The following ZBTB20 variants were observed in gnomAD, a reference collection of about 807,000 sequenced individuals.
ZBTB20 encodes the protein zinc finger and BTB domain containing 20, also known as zinc finger and BTB domain-containing protein 20.
A neutral mutation model predicts 56.9 loss-of-function variants in ZBTB20; 9 were observed. The ratio of observed to expected loss-of-function variants is 0.16; its 90% CI spans 0.10 to 0.28. ZBTB20 has a LOEUF of 0.28. ZBTB20 is among the 10% of genes least tolerant of loss of function. The pLI is 1.00. For missense variants in ZBTB20, 655 were observed against 1,003.0 expected, an observed-to-expected ratio of 0.65 and a Z score of 4.69; for synonymous variants, 417 against 420.7, an observed-to-expected ratio of 0.99 and a Z score of 0.11.
rs373603009 is a variant in ZBTB20, at chr3:114,497,617, ACTC to A, written c.-255+2732_-255+2734del. ...GTCACCTTACCACATCCAAGTGGGC[ACTC>A]CTCCTTCATTCCTCTTACTACGTCT... On this transcript the variant is annotated intron_variant, in intron 7 of 11. Coordinates refer to ENST00000675478, the MANE Select transcript of ZBTB20 (RefSeq NM_001348800.3). Among the ~76,000 whole-genome samples, 183 of 152,120 alleles carry A rather than the reference ACTC, an allele frequency of 1.2e-3. 2 individuals carry two copies. The East Asian group carries it at 0.022, about 18-fold the overall frequency.
At chr3:114,690,238 C>T (rs1392917308) in intron 6 of ZBTB20, among the ~76,000 whole-genome samples, 1 of 151,736 alleles carries the variant, frequency 6.6e-6, no homozygotes, top group Non-Finnish European at 1.5e-5. Flanking sequence ...TTTTTTTCTT[C>T]CCCAAGGGTT....
chr3:114,369,138 G>A (rs1189733287), intron 10 of ZBTB20, among the ~76,000 whole-genome samples: 6 of 152,078 alleles, frequency 3.9e-5, no homozygotes, highest in African/African-American at 1.5e-4. Flanking sequence ...GATAATCAGT[G>A]ATTATATAGG....
chr3:114,733,379 C>A (rs2065901354), intron 5 of ZBTB20, among the ~76,000 whole-genome samples: 1 of 152,174 alleles, frequency 6.6e-6, no homozygotes. Flanking sequence ...ACAAGTTTTT[C>A]TAGTTCCGGT....
chr3:114,667,507 T>C (rs1390718646), intron 6 of ZBTB20, among the ~76,000 whole-genome samples: 1 of 152,008 alleles, frequency 6.6e-6, no homozygotes, highest in Non-Finnish European at 1.5e-5. Context: ...TATGGCAGCC[T>C]AACCTCCAGC....
chr3:114,920,187 T>G (rs747180329), intron 3 of ZBTB20, among the ~76,000 whole-genome samples: 19 of 152,138 alleles, frequency 1.2e-4, no homozygotes, highest in Non-Finnish European at 2.4e-4. Flanking sequence ...GTAAAAGATT[T>G]CAATATTCCA....
intron 6 of ZBTB20, among the ~76,000 whole-genome samples, chr3:114,516,127 T>C (rs1210778975): frequency 1.3e-5 from 2 of 152,094 alleles, no homozygotes; most frequent in African/African-American, 4.8e-5. Flanking sequence ...ATAATTTACA[T>C]ACAATAAAAT....
rs1422547557 is a variant in ZBTB20, at chr3:115,089,480, A to AT, written c.-702-18067dup. Among the ~76,000 whole-genome samples, 4 of 151,766 alleles carry AT rather than the reference A, an allele frequency of 2.6e-5. No homozygotes were observed. The East Asian group carries it at 5.8e-4, about 22-fold the overall frequency. On this transcript the variant is annotated intron_variant, in intron 1 of 11. Coordinates refer to ENST00000675478, the MANE Select transcript of ZBTB20 (RefSeq NM_001348800.3). The stretch of plus-strand genomic sequence containing the variant: ...CTAAAAACCATTTTGCAATAGAAAA[A>AT]TTTTTTCAAAACTCAATTTACATGG...
At chr3:114,531,589 T>C (rs1403736257) in intron 6 of ZBTB20, among the ~76,000 whole-genome samples, 28 of 152,108 alleles carry the variant, frequency 1.8e-4, no homozygotes, top group Non-Finnish European at 7.4e-5. Flanking sequence ...TGAAACAAAA[T>C]AGAATCAATG....
chr3:114,837,082 G>T lies in ZBTB20; in HGVS notation c.-416-35908C>A, dbSNP rs535661730. Among the ~76,000 whole-genome samples, 4 of 152,198 alleles carry T rather than the reference G, an allele frequency of 2.6e-5. No homozygotes were observed. The East Asian group carries it at 7.7e-4, about 29-fold the overall frequency. ...TAGCTATATTGCCTCTGCCCAGACTGCTCTGTTCCTACATCTCTGCATGAC... is the reference window on the plus strand; with the variant it reads ...TAGCTATATTGCCTCTGCCCAGACTTCTCTGTTCCTACATCTCTGCATGAC... On this transcript the variant is annotated intron_variant, in intron 4 of 11. Transcript: ENST00000675478.
intron 5 of ZBTB20, among the ~76,000 whole-genome samples, chr3:114,768,304 T>C (rs968275213): frequency 2.0e-5 from 3 of 151,990 alleles, no homozygotes; most frequent in African/African-American, 7.2e-5. Context: ...TTAATAAAAA[T>C]AGATAAAATT....
chr3:114,328,242 A>C lies in ZBTB20; in HGVS notation c.*10763T>G, dbSNP rs2079123601. On this transcript the variant is annotated 3_prime_UTR_variant, in exon 12 of 12. Transcript: ENST00000675478. ...CAAATCAATGATTTTTTTTTCAAAA[A>C]GGCAATAAATAAAAAAACTCTTCCT... 1 of 152,042 alleles carries C rather than the reference A, an allele frequency of 6.6e-6. No individual in the cohort carries two copies. The highest frequency in any genetic ancestry group is 1.5e-5 in the Non-Finnish European group (1 of 67,986). 9.4% of individuals were successfully genotyped at this position (152,042 alleles called of 1,614,324 possible).
At chr3:114,851,815 C>A (rs955303646) in intron 4 of ZBTB20, among the ~76,000 whole-genome samples, 6 of 151,848 alleles carry the variant, frequency 4.0e-5, no homozygotes, top group Non-Finnish European at 8.8e-5. Flanking sequence ...ATGGATATTC[C>A]TCCGAACACT....
Position 114,351,336 on chromosome 3 carries a change from A to G in ZBTB20, c.742T>C (p.Tyr248His). 6.2e-7 allele frequency: 1 copy of G among 1,609,048 alleles called. No homozygotes were observed. The highest frequency in any genetic ancestry group is 8.5e-7 in the Non-Finnish European group (1 of 1,179,142). The change falls in exon 11 of 12, where the codon TAC becomes CAC. Residue 248 changes from tyrosine to histidine, a missense_variant. Transcript: ENST00000675478. ...CTGCCATTCTGCATGGAGCACGCGTAGAGTGCCGAGTAGATCCTGTCCACG... is the reference window on the plus strand; with the variant it reads ...CTGCCATTCTGCATGGAGCACGCGTGGAGTGCCGAGTAGATCCTGTCCACG... ...HSVDRIYSAL[Y>H]ACSMQNGSGE...
rs1299288796 is a variant in ZBTB20, at chr3:114,549,678, C to A, written c.-294-49287G>T. Among the ~76,000 whole-genome samples, 4 of 151,488 alleles carry A rather than the reference C, an allele frequency of 2.6e-5. 1 individual carries two copies. Among genetic ancestry groups the A allele is most frequent in the East Asian group, 3.9e-4 (2 of 5,160 alleles). ...CTCTCTCTTTTTTCATTTCTCTAAT[C>A]ATCACACTAAGGATTTTTTTTCTAG... On this transcript the variant is annotated intron_variant, in intron 6 of 11. Transcript: ENST00000675478.
chr3:114,477,338 A>AT (rs2040901900), intron 7 of ZBTB20, among the ~76,000 whole-genome samples: 1 of 152,150 alleles, frequency 6.6e-6, no homozygotes, highest in Non-Finnish European at 1.5e-5. Context: ...TTTAATCATC[A>AT]TAAGAGTTTT....
At chr3:114,922,731 G>A (rs1045665730) in intron 3 of ZBTB20, among the ~76,000 whole-genome samples, 1 of 152,188 alleles carries the variant, frequency 6.6e-6, no homozygotes, top group Non-Finnish European at 1.5e-5. Context: ...AGTGTGTGGA[G>A]ATTACAAGGC....
intron 2 of ZBTB20, among the ~76,000 whole-genome samples, chr3:115,036,486 C>A (rs1269066432): frequency 2.0e-5 from 3 of 152,104 alleles, no homozygotes; most frequent in Non-Finnish European, 4.4e-5. Context: ...GCGATCTCGG[C>A]TCACTGCAAC....
At chr3:114,730,525 T>C (rs1465366030) in intron 5 of ZBTB20, among the ~76,000 whole-genome samples, 2 of 152,218 alleles carry the variant, frequency 1.3e-5, no homozygotes, top group African/African-American at 4.8e-5. Flanking sequence ...TAAGGTTTAA[T>C]GAGGTCATAA....
chr3:114,848,730 G>A (rs1435889930), intron 4 of ZBTB20, among the ~76,000 whole-genome samples: 2 of 152,102 alleles, frequency 1.3e-5, no homozygotes, highest in Non-Finnish European at 2.9e-5. Flanking sequence ...TACTAATATT[G>A]CTTATGCTGT....
Sources: gnomAD v4.1 joint callset for allele counts (sites outside exome capture counted in the v4.1 genomes callset) on GRCh38, gnomAD v4.1.1 for gene constraint, MANE v1.5 for transcripts, NCBI Gene and HGNC (gene_info 2026-07-23, HGNC 2026-07-21) for gene names.